ERC2: variants seen among roughly 807,000 people sequenced by gnomAD.
ERC2 encodes the protein ERC protein 2.
ERC2 carries 42 observed loss-of-function variants against 114.8 expected under a neutral mutation model. The ratio of observed to expected loss-of-function variants is 0.37; its 90% CI spans 0.29 to 0.47. The LOEUF is 0.47. Ranked by LOEUF, ERC2 falls within the 20% of genes least tolerant of loss-of-function variation. ERC2 has a pLI of 0.99. For missense variants in ERC2, 939 were observed against 1,150.7 expected, an observed-to-expected ratio of 0.82 and a Z score of 2.66; for synonymous variants, 454 against 425.5, an observed-to-expected ratio of 1.07 and a Z score of -0.82.
At chr3:55,679,708 T>C (rs2061969351) in intron 17 of ERC2, among the ~76,000 whole-genome samples, 1 of 152,198 alleles carries the variant, frequency 6.6e-6, no homozygotes. Flanking sequence ...AAATCTAAAT[T>C]GCATTAAAAG....
chr3:56,279,292 C>T (rs2054199194), intron 3 of ERC2, among the ~76,000 whole-genome samples: 1 of 152,210 alleles, frequency 6.6e-6, no homozygotes, highest in South Asian at 2.1e-4. Context: ...TTTGATATTT[C>T]ACAGTCTAGT....
chr3:56,009,362 A>G (rs1460930688), intron 9 of ERC2, among the ~76,000 whole-genome samples: 1 of 152,178 alleles, frequency 6.6e-6, no homozygotes, highest in African/African-American at 2.4e-5. Context: ...GCTCCTTTCT[A>G]AAAAGCAAGT....
At chr3:55,517,941 C>A (rs995848510) in intron 17 of ERC2, among the ~76,000 whole-genome samples, 1 of 152,180 alleles carries the variant, frequency 6.6e-6, no homozygotes, top group Non-Finnish European at 1.5e-5. Context: ...GAGAGACTGC[C>A]CATGGCCAAA....
At chr3:56,111,287 T>TTC (rs2078945621) in intron 6 of ERC2, among the ~76,000 whole-genome samples, 1 of 149,144 alleles carries the variant, frequency 6.7e-6, no homozygotes, top group African/African-American at 2.5e-5. Context: ...CGCTCCCTCT[T>TTC]TCTCTCTCCC....
intron 17 of ERC2, among the ~76,000 whole-genome samples, chr3:55,626,444 C>T (rs1034180350): frequency 3.3e-5 from 5 of 152,184 alleles, no homozygotes; most frequent in Non-Finnish European, 5.9e-5. Context: ...AGAATATGCT[C>T]TCCAGTCAGC....
chr3:55,893,819 T>C (rs1404121240), intron 13 of ERC2, among the ~76,000 whole-genome samples: 3 of 152,218 alleles, frequency 2.0e-5, no homozygotes, highest in Admixed American at 2.0e-4. Context: ...TAATTATGCA[T>C]GCATACACAT....
intron 13 of ERC2, among the ~76,000 whole-genome samples, chr3:55,941,742 T>C (rs1387157857): frequency 6.6e-6 from 1 of 152,206 alleles, no homozygotes. Flanking sequence ...ATGGGTGACA[T>C]CCTTTCATGG....
intron 3 of ERC2, among the ~76,000 whole-genome samples, chr3:56,203,532 A>T (rs1466896523): frequency 6.6e-6 from 1 of 152,222 alleles, no homozygotes; most frequent in African/African-American, 2.4e-5. Flanking sequence ...TTTCTACATG[A>T]CTTAATAAAT....
chr3:56,203,165 T>C (rs2048503117), intron 3 of ERC2, among the ~76,000 whole-genome samples: 1 of 152,204 alleles, frequency 6.6e-6, no homozygotes, highest in African/African-American at 2.4e-5. Context: ...TAGGGAAACA[T>C]TTCTGCCCAT....
intron 17 of ERC2, among the ~76,000 whole-genome samples, chr3:55,562,956 G>T (rs1184603414): frequency 2.0e-5 from 3 of 152,080 alleles, no homozygotes; most frequent in African/African-American, 7.2e-5. Context: ...AGTCCAGTTT[G>T]GCAGAAATAT....
intron 2 of ERC2, among the ~76,000 whole-genome samples, chr3:56,347,165 A>G (rs1308401715): frequency 6.6e-6 from 1 of 152,198 alleles, no homozygotes; most frequent in Non-Finnish European, 1.5e-5. Flanking sequence ...CTGCTAAATT[A>G]TGTTTGCAAA....
Position 56,248,586 on chromosome 3 carries a change from C to A in ERC2, c.1074+47433G>T, listed in dbSNP as rs1280479318. Among the ~76,000 whole-genome samples the A allele has an allele frequency of 3.3e-5, 5 of 152,308 alleles. 1 individual carries two copies. Among genetic ancestry groups the A allele is most frequent in the Admixed American group, 1.3e-4 (2 of 15,302 alleles). On this transcript the variant is annotated intron_variant, in intron 3 of 17. Coordinates refer to ENST00000288221, the MANE Select transcript of ERC2 (RefSeq NM_015576.3). The stretch of plus-strand genomic sequence containing the variant: ...CTCCCTACTCTGCTTTCAATAGCGT[C>A]CCATCCTTGCCAACAATTATGCAAA...
chr3:56,125,241 T>A (rs773443399), intron 6 of ERC2, among the ~76,000 whole-genome samples: 12 of 152,220 alleles, frequency 7.9e-5, no homozygotes, highest in Non-Finnish European at 4.4e-5. Context: ...ATATTTAGGA[T>A]TCCTTGAATC....
Position 56,018,276 on chromosome 3 carries a change from C to G in ERC2, c.1779+618G>C, listed in dbSNP as rs2073446682. Among the ~76,000 whole-genome samples the G allele has an allele frequency of 1.3e-5, 2 of 152,142 alleles. 1 individual carries two copies. The highest frequency in any genetic ancestry group is 4.1e-4 in the South Asian group (2 of 4,834). The stretch of plus-strand genomic sequence containing the variant: ...GTAATTTGTCCAAAGTAGAAAGTAT[C>G]AGACCTAGGATTTGATCCCAGGCAG... On this transcript the variant is annotated intron_variant, in intron 8 of 17. Coordinates refer to ENST00000288221, the MANE Select transcript of ERC2 (RefSeq NM_015576.3).
chr3:55,935,706 G>T (rs1423609724), intron 13 of ERC2, among the ~76,000 whole-genome samples: 1 of 152,158 alleles, frequency 6.6e-6, no homozygotes, highest in African/African-American at 2.4e-5. Context: ...GTGCATACAG[G>T]GTGCCTGCCA....
chr3:56,207,349 C>G (rs1413244117), intron 3 of ERC2, among the ~76,000 whole-genome samples: 1 of 151,988 alleles, frequency 6.6e-6, no homozygotes, highest in Non-Finnish European at 1.5e-5. Context: ...CATTATAGAG[C>G]TATTAACATT....
intron 13 of ERC2, among the ~76,000 whole-genome samples, chr3:55,937,225 T>C (rs925173018): frequency 1.3e-5 from 2 of 152,168 alleles, no homozygotes; most frequent in African/African-American, 4.8e-5. Context: ...GGCTCAGGCC[T>C]CTAATCCCAG....
chr3:55,667,778 G>T (rs1377231141), intron 17 of ERC2, among the ~76,000 whole-genome samples: 6 of 152,216 alleles, frequency 3.9e-5, no homozygotes, highest in African/African-American at 1.4e-4. Context: ...CTGGACCCTA[G>T]AGAGTTTACG....
At chr3:55,862,519 T>C (rs2062075643) in intron 14 of ERC2, among the ~76,000 whole-genome samples, 1 of 152,300 alleles carries the variant, frequency 6.6e-6, no homozygotes, top group African/African-American at 2.4e-5. Context: ...GCCTAGTTTA[T>C]CCTGGACTGC....
Sources: gnomAD v4.1 joint callset for allele counts (sites outside exome capture counted in the v4.1 genomes callset) on GRCh38, gnomAD v4.1.1 for gene constraint, MANE v1.5 for transcripts, NCBI Gene and HGNC (gene_info 2026-07-23, HGNC 2026-07-21) for gene names.